Variants in PDZD2 observed in about 807,000 individuals in gnomAD.
The protein encoded by PDZD2 is PDZ domain-containing protein 2.
Under a neutral mutation model 220.7 loss-of-function variants are expected in PDZD2, and 90 were observed. That is an observed-to-expected ratio of 0.41 (90% CI 0.34 to 0.49). The LOEUF (loss-of-function observed/expected upper bound fraction) is 0.49. Ranked by LOEUF, PDZD2 falls within the 20% of genes least tolerant of loss-of-function variation. PDZD2 has a pLI of 0.28. For missense variants in PDZD2, 3,174 were observed against 3,608.5 expected (o/e 0.88, Z 3.08); for synonymous variants, 1,375 against 1,450.5 (o/e 0.95, Z 1.18).
intron 24 of PDZD2, among the ~76,000 whole-genome samples, chr5:32,104,716 TAAAAAAAAA>T (rs755177769): frequency 1.0e-4 from 3 of 30,054 alleles, no homozygotes; most frequent in African/African-American, 1.6e-4. Context: ...AGGCTCCATC[TAAAAAAAAA>T]AAAAAAAAAA....
Position 31,756,423 on chromosome 5 carries a change from A to G in PDZD2, c.-360-42466A>G, listed in dbSNP as rs558314671. On this transcript the variant is annotated intron_variant, in intron 1 of 24. Coordinates refer to ENST00000438447, the MANE Select transcript of PDZD2 (RefSeq NM_178140.4). Reference sequence around the variant, plus strand: ...ATTCATTCATATTTGTGAGTAATTAAATAAAAGGAAGGGATAGAGGAGCTT... The same window carrying G: ...ATTCATTCATATTTGTGAGTAATTAGATAAAAGGAAGGGATAGAGGAGCTT... 5.8e-4 allele frequency among the ~76,000 whole-genome samples: 88 copies of G among 152,174 alleles called. 2 individuals carry two copies. The highest frequency in any genetic ancestry group is 7.6e-4 in the Non-Finnish European group (52 of 68,022).
At chr5:31,877,530 T>G (rs1580969139) in intron 2 of PDZD2, among the ~76,000 whole-genome samples, 1 of 152,022 alleles carries the variant, frequency 6.6e-6, no homozygotes, top group Middle Eastern at 3.4e-3. Flanking sequence ...AGAAAGTCAG[T>G]CTTTTCTCTT....
rs565396150 is a variant in PDZD2, at chr5:31,716,775, G to A, written c.-361+77338G>A. Among the ~76,000 whole-genome samples, 3 of 152,284 alleles carry A rather than the reference G, an allele frequency of 2.0e-5. No homozygotes were observed. In the East Asian group the frequency reaches 5.8e-4, roughly 29 times the overall value. The stretch of plus-strand genomic sequence containing the variant: ...CTGAGATTGTGCCACTGCACTCCAG[G>A]CTGGGTGACAGAGGGTGACTCAGTC... On this transcript the variant is annotated intron_variant, in intron 1 of 24. Transcript: ENST00000438447.
At chr5:32,053,641 G>A in intron 9 of PDZD2, 128 bp from the exon 10 acceptor site, 1 of 655,200 alleles carries the variant, frequency 1.5e-6, no homozygotes. Flanking sequence ...TCCAGGCCTG[G>A]TTAGGGAGGG....
intron 1 of PDZD2, among the ~76,000 whole-genome samples, chr5:31,760,483 G>C (rs1365017051): frequency 6.6e-6 from 1 of 152,224 alleles, no homozygotes; most frequent in Non-Finnish European, 1.5e-5. Flanking sequence ...GGAGAAAGTG[G>C]GATTCGAGGT....
chr5:31,785,476 T>C (rs1452657437), intron 1 of PDZD2, among the ~76,000 whole-genome samples: 1 of 151,116 alleles, frequency 6.6e-6, no homozygotes, highest in Admixed American at 6.6e-5. Flanking sequence ...TCTCACTCTG[T>C]CACCCAGGCT....
At chr5:31,809,666 G>A (rs982750869) in intron 2 of PDZD2, among the ~76,000 whole-genome samples, 1 of 152,296 alleles carries the variant, frequency 6.6e-6, no homozygotes, top group East Asian at 1.9e-4. Context: ...ATGGCCAGTG[G>A]GGTGAGTTCT....
chr5:32,087,711 G>C lies in PDZD2; in HGVS notation c.4263G>C (p.Glu1421Asp), dbSNP rs185507356. Reference protein sequence around the residue: ...SGHCCPGGSRESPVTDIDSFI... With the variant: ...SGHCCPGGSRDSPVTDIDSFI... ...ACTGCTGCCCAGGGGGGAGTAGAGA[G>C]AGCCCTGTGACGGACATTGACAGCT... The change falls in exon 20 of 25, where the codon GAG becomes GAC. Residue 1421 changes from glutamate to aspartate, a missense_variant. This residue lies in a region of PDZD2 where 1,861 missense variants were observed against 2,001.0 expected (regional missense o/e 0.93). Transcript: ENST00000438447. This position sits in a 1 kb window ranked among gnomAD's most constrained non-coding sequence, Gnocchi z 4.0. The C allele has an allele frequency of 8.4e-5, 135 of 1,614,050 alleles. No individual in the cohort carries two copies. Among genetic ancestry groups the C allele is most frequent in the Non-Finnish European group, 1.1e-4 (130 of 1,179,946 alleles).
chr5:31,849,980 A>G lies in PDZD2; in HGVS notation c.476+50256A>G, dbSNP rs1235790455. Reference sequence around the variant, plus strand: ...TATATATACACATATATATATATACATATATATATATACACATATATATAT... The same window carrying G: ...TATATATACACATATATATATATACGTATATATATATACACATATATATAT... On this transcript the variant is annotated intron_variant, in intron 2 of 24. Coordinates refer to ENST00000438447, the MANE Select transcript of PDZD2 (RefSeq NM_178140.4). Among the ~76,000 whole-genome samples the G allele has an allele frequency of 8.3e-3, 270 of 32,504 alleles. 96 individuals carry two copies. Among genetic ancestry groups the G allele is most frequent in the African/African-American group, 0.043 (179 of 4,148 alleles). The allele number at this position is 32,504 out of a possible 152,430, so 21.3% of individuals were successfully genotyped here.
intron 2 of PDZD2, among the ~76,000 whole-genome samples, chr5:31,823,700 C>T (rs559571778): frequency 2.0e-5 from 3 of 152,250 alleles, no homozygotes; most frequent in Admixed American, 2.0e-4. Flanking sequence ...AAGCGGTGAG[C>T]TTGGAAGATA....
intron 17 of PDZD2, among the ~76,000 whole-genome samples, 192 bp from the exon 18 acceptor site, chr5:32,073,640 A>T (rs1740976534): frequency 6.6e-6 from 1 of 152,006 alleles, no homozygotes; most frequent in Non-Finnish European, 1.5e-5. Context: ...AAAGAGAAAG[A>T]TAGCCCGCCT....
At chr5:31,708,728 A>T (rs771650502) in intron 1 of PDZD2, among the ~76,000 whole-genome samples, 8 of 152,180 alleles carry the variant, frequency 5.3e-5, no homozygotes, top group Non-Finnish European at 1.2e-4. Flanking sequence ...CTAGACTTTC[A>T]CATGGTATTG....
intron 1 of PDZD2, among the ~76,000 whole-genome samples, chr5:31,689,071 T>G (rs989371244): frequency 6.6e-6 from 1 of 151,914 alleles, no homozygotes; most frequent in Non-Finnish European, 1.5e-5. Flanking sequence ...TCTTGTTTTT[T>G]GGGGGGTTTT....
At chr5:31,734,557 G>C (rs1231402220) in intron 1 of PDZD2, among the ~76,000 whole-genome samples, 5 of 152,134 alleles carry the variant, frequency 3.3e-5, no homozygotes, top group Non-Finnish European at 7.4e-5. Context: ...GACCTCAGGT[G>C]ATCCACCCAC....
chr5:31,916,080 T>G (rs75356710), intron 2 of PDZD2, among the ~76,000 whole-genome samples: 10,583 of 152,236 alleles, frequency 0.07, 1,249 homozygotes, highest in African/African-American at 0.24. Flanking sequence ...ACAACTGTTT[T>G]TTGTTTGTTT....
chr5:32,046,997 C>T (rs371112558), intron 7 of PDZD2, among the ~76,000 whole-genome samples: 38 of 151,962 alleles, frequency 2.5e-4, no homozygotes, highest in African/African-American at 8.0e-4. Flanking sequence ...GAGCAAATTG[C>T]GCCACTGCAC....
intron 2 of PDZD2, among the ~76,000 whole-genome samples, chr5:31,953,953 A>T (rs1018865688): frequency 5.3e-5 from 8 of 152,098 alleles, no homozygotes; most frequent in Non-Finnish European, 1.0e-4. Flanking sequence ...CTGGCTAAAA[A>T]AATTTGTTTT....
At chr5:32,077,347 T>G in intron 18 of PDZD2, 115 bp from the exon 19 acceptor site, 1 of 995,074 alleles carries the variant, frequency 1.0e-6, no homozygotes, top group Non-Finnish European at 1.5e-6. Context: ...TGGCTCCTAG[T>G]CCAGGGCCCC....
rs187481887 is a variant in PDZD2 at position 32,054,891 on chromosome 5, C to T, written c.1900+1008C>T. On this transcript the variant is annotated intron_variant, in intron 10 of 24. Coordinates refer to ENST00000438447, the MANE Select transcript of PDZD2 (RefSeq NM_178140.4). ...GACCATCTTAGAAACAGAAAAGTGA[C>T]ACTCAGAAATGTTAAGTGACTAGAA... Among the ~76,000 whole-genome samples, 577 of 152,248 alleles carry T rather than the reference C, an allele frequency of 3.8e-3. 3 individuals are homozygous for T. Among genetic ancestry groups the T allele is most frequent in the African/African-American group, 0.013 (533 of 41,542 alleles).
Sources: gnomAD v4.1 joint callset for allele counts (sites outside exome capture counted in the v4.1 genomes callset) on GRCh38, gnomAD v4.1.1 for gene constraint, gnomAD v4.1.1 regional missense constraint, Gnocchi (gnomAD v3.1) non-coding constraint, MANE v1.5 for transcripts, NCBI Gene and HGNC (gene_info 2026-07-23, HGNC 2026-07-21) for gene names.